The following TACC2 variants were observed in gnomAD, a reference collection of about 807,000 sequenced individuals.
The protein encoded by TACC2 is transforming acidic coiled-coil-containing protein 2.
Under a neutral mutation model 227.3 loss-of-function variants are expected in TACC2, and 137 were observed. The ratio of observed to expected loss-of-function variants is 0.60; its 90% CI spans 0.52 to 0.69. TACC2 has a LOEUF of 0.69. TACC2 is among the 30% of genes least tolerant of loss of function. The probability of loss-of-function intolerance (pLI) is 0.00; values close to 1 mark genes in which losing one functional copy is unlikely to be tolerated. For missense variants in TACC2, 3,470 were observed against 3,694.4 expected (o/e 0.94, Z 1.57); for synonymous variants, 1,523 against 1,487.5 (o/e 1.02, Z -0.55).
chr10:122,119,219 T>C (rs770959200), intron 5 of TACC2, among the ~76,000 whole-genome samples: 3 of 152,224 alleles, frequency 2.0e-5, no homozygotes, highest in Non-Finnish European at 4.4e-5. Flanking sequence ...TTAACAGTCT[T>C]TCAAGTAATG....
chr10:122,122,198 A>C (rs946536781), intron 5 of TACC2, among the ~76,000 whole-genome samples: 7 of 152,116 alleles, frequency 4.6e-5, no homozygotes, highest in African/African-American at 1.4e-4. Context: ...TACTAAAAAT[A>C]CAAAAAATTA....
chr10:122,069,846 T>C (rs1202172725), intron 3 of TACC2, among the ~76,000 whole-genome samples: 1 of 152,200 alleles, frequency 6.6e-6, no homozygotes, highest in African/African-American at 2.4e-5. Flanking sequence ...CAAGAGCTCC[T>C]TGTATCACCG....
intron 1 of TACC2, among the ~76,000 whole-genome samples, chr10:121,992,197 G>T (rs17102820): frequency 6.6e-6 from 1 of 152,190 alleles, no homozygotes; most frequent in South Asian, 2.1e-4. Flanking sequence ...GGGAACAAAA[G>T]TGAGAAGTGG....
At chr10:122,123,989 T>C (rs1314368388) in intron 5 of TACC2, among the ~76,000 whole-genome samples, 2 of 151,956 alleles carry the variant, frequency 1.3e-5, no homozygotes, top group African/African-American at 4.8e-5. Flanking sequence ...AATTTTTGTA[T>C]TTTTAGTAGA....
chr10:122,084,852 G>A lies in TACC2; in HGVS notation c.2352G>A (p.Gly784=), dbSNP rs370877791. 13 of 1,613,820 alleles carry A rather than the reference G, an allele frequency of 8.1e-6. No individual in the cohort carries two copies. Among genetic ancestry groups the A allele is most frequent in the Middle Eastern group, 3.3e-4 (2 of 6,084 alleles). The change falls in exon 4 of 23, where the codon GGG becomes GGA. Residue 784 remains glycine (G), a synonymous_variant. Coordinates refer to ENST00000369005, the MANE Select transcript of TACC2 (RefSeq NM_206862.4). ...FHAGVPHPPQ[G]ENLAADLGLT... is the part of the protein sequence containing the mutation. ...CTGGGGTGCCACATCCCCCCCAGGG[G>A]GAGAACTTGGCAGCAGACCTGGGGC...
At chr10:122,033,744 G>T (rs1304682376) in intron 2 of TACC2, among the ~76,000 whole-genome samples, 2 of 152,144 alleles carry the variant, frequency 1.3e-5, no homozygotes, top group African/African-American at 4.8e-5. Flanking sequence ...GTTAGTGTGT[G>T]TTTAGGGGTG....
chr10:122,044,004 A>G (rs902024485), intron 2 of TACC2, among the ~76,000 whole-genome samples: 5 of 152,222 alleles, frequency 3.3e-5, no homozygotes, highest in African/African-American at 9.6e-5. Flanking sequence ...TGTTTTAGTC[A>G]TCAGTGTCTA....
At chr10:122,029,078 C>T (rs955591690) in intron 2 of TACC2, among the ~76,000 whole-genome samples, 1 of 140,264 alleles carries the variant, frequency 7.1e-6, no homozygotes, top group Non-Finnish European at 1.5e-5. Flanking sequence ...TAAACAAGAG[C>T]GGTGAGAGGG....
In TACC2 at chr10:122,083,795, T is replaced by C. The variant is rs1227848615; in HGVS notation, c.1295T>C (p.Ile432Thr). 6.2e-7 allele frequency: 1 copy of C among 1,614,172 alleles called. No individual in the cohort carries two copies. The highest frequency in any genetic ancestry group is 8.5e-7 in the Non-Finnish European group (1 of 1,180,034). Residue 432 changes from isoleucine to threonine, a missense_variant, in exon 4 of 23, where the codon ATT (isoleucine) becomes ACT (threonine). Physicochemically the swap from Ile to Thr is moderately conservative, Grantham distance 89. Coordinates refer to ENST00000369005, the MANE Select transcript of TACC2 (RefSeq NM_206862.4). ...LASFPAAQIP[I>T]AVEEPGSSSR... ...TCATTCCCAGCTGCTCAGATTCCTA[T>C]TGCTGTAGAAGAACCTGGATCATCA... is the stretch of plus-strand genomic sequence containing the variant.
At chr10:122,016,213 G>T (rs1956591260) in intron 1 of TACC2, among the ~76,000 whole-genome samples, 1 of 143,336 alleles carries the variant, frequency 7.0e-6, no homozygotes, top group African/African-American at 2.6e-5. Context: ...AGTGAGCCAT[G>T]ATCGTGCCAC....
At chr10:122,182,674 A>C (rs571955382) in intron 7 of TACC2, among the ~76,000 whole-genome samples, 1 of 152,372 alleles carries the variant, frequency 6.6e-6, no homozygotes, top group African/African-American at 2.4e-5. Context: ...TATAAAGTCA[A>C]AACACGTGAG....
chr10:122,096,241 G>A (rs1176441766), intron 5 of TACC2, among the ~76,000 whole-genome samples: 2 of 152,188 alleles, frequency 1.3e-5, no homozygotes, highest in Non-Finnish European at 1.5e-5. Context: ...TTGCACCTGG[G>A]GGCTTGGCTT....
chr10:122,182,989 A>C (rs556292796), intron 7 of TACC2, among the ~76,000 whole-genome samples: 28 of 151,866 alleles, frequency 1.8e-4, no homozygotes, highest in South Asian at 1.5e-3. Context: ...GGATCGCTTG[A>C]GGCCAGGAGT....
At chr10:122,014,658 T>G (rs1956354394) in intron 1 of TACC2, among the ~76,000 whole-genome samples, 1 of 152,204 alleles carries the variant, frequency 6.6e-6, no homozygotes, top group African/African-American at 2.4e-5. Flanking sequence ...GCTTCTGCAG[T>G]CTTGCTGCTG....
intron 7 of TACC2, among the ~76,000 whole-genome samples, chr10:122,177,918 G>T (rs930150172): frequency 6.6e-6 from 1 of 152,124 alleles, no homozygotes; most frequent in Admixed American, 6.6e-5. Flanking sequence ...TTTACCCTGG[G>T]TTCAGGTGTC....
intron 5 of TACC2, among the ~76,000 whole-genome samples, chr10:122,090,659 A>G (rs12259215): frequency 0.056 from 8,591 of 152,058 alleles, 262 homozygotes; most frequent in South Asian, 0.12. Context: ...TCATTTTAGC[A>G]GATTTTTAGT....
intron 5 of TACC2, among the ~76,000 whole-genome samples, chr10:122,108,442 CTTTTT>C (rs34097153): frequency 2.2e-5 from 2 of 90,022 alleles, no homozygotes; most frequent in Admixed American, 1.7e-4. Flanking sequence ...GTCATATTTT[CTTTTT>C]TTTTTTTTTT....
intron 5 of TACC2, among the ~76,000 whole-genome samples, chr10:122,125,063 C>A (rs1323540054): frequency 6.6e-6 from 1 of 152,002 alleles, no homozygotes; most frequent in Non-Finnish European, 1.5e-5. Flanking sequence ...AGAACCTGCT[C>A]AAATTCACCA....
At chr10:122,056,665 G>A (rs1482147103) in intron 3 of TACC2, among the ~76,000 whole-genome samples, 1 of 152,166 alleles carries the variant, frequency 6.6e-6, no homozygotes, top group Non-Finnish European at 1.5e-5. Context: ...GAGGGAGCTT[G>A]AGTGAAAGGG....
Sources: allele counts gnomAD v4.1 joint callset (sites outside exome capture counted in the v4.1 genomes callset), GRCh38; gene constraint gnomAD v4.1.1; transcripts MANE v1.5; gene names NCBI Gene and HGNC (gene_info 2026-07-23, HGNC 2026-07-21).